The following ABCA13 variants were observed in gnomAD, a reference collection of about 807,000 sequenced individuals.
ABCA13 encodes the protein ATP-binding cassette sub-family A member 13.
ABCA13 carries 476 observed loss-of-function variants against 478.7 expected under a neutral mutation model. The ratio of observed to expected loss-of-function variants is 0.99; its 90% CI spans 0.92 to 1.07. The LOEUF (loss-of-function observed/expected upper bound fraction) is 1.07, where lower values mean the gene tolerates loss of function less well. ABCA13 is among the 50% of genes least tolerant of loss of function. The pLI is 0.00. For missense variants in ABCA13, 6,060 were observed against 5,910.6 expected, an observed-to-expected ratio of 1.03 and a Z score of -0.83; for synonymous variants, 2,252 against 2,158.9, an observed-to-expected ratio of 1.04 and a Z score of -1.20.
Position 48,374,349 on chromosome 7 carries a change from C to T in ABCA13, c.11136C>T (p.Cys3712=). 1.2e-6 allele frequency: 2 copies of T among 1,608,260 alleles called. No individual in the cohort carries two copies. Among genetic ancestry groups the T allele is most frequent in the South Asian group, 1.1e-5 (1 of 89,232 alleles). ...QLSFVNQTFL[C]LLSTTAFGQG... is the part of the protein sequence containing the mutation. ...TTTCTCCATCAATCTGTGGGCAGTG[C>T]CTTCTTTCGACAACCGCCTTTGGAC... Residue 3712 remains cysteine (C), a splice_region_variant and synonymous_variant, in exon 34 of 62, where the codon TGC becomes TGT. Coordinates refer to ENST00000435803, the MANE Select transcript of ABCA13 (RefSeq NM_152701.5).
At position 48,572,984 on chromosome 7, in the gene ABCA13, A is replaced by T. The variant is rs1787822249; in HGVS notation, c.14355-7240A>T. Reference sequence around the variant, plus strand: ...TTTAAGGGATTTTTCTATTCCATCTAAATTATTCCATTTCTATGCAGAAAT... The same window carrying T: ...TTTAAGGGATTTTTCTATTCCATCTTAATTATTCCATTTCTATGCAGAAAT... On this transcript the variant is annotated intron_variant, in intron 55 of 61. Coordinates refer to ENST00000435803, the MANE Select transcript of ABCA13 (RefSeq NM_152701.5). Among the ~76,000 whole-genome samples, 3 of 152,238 alleles carry T rather than the reference A, an allele frequency of 2.0e-5. No individual in the cohort carries two copies. In the South Asian group the frequency reaches 6.2e-4, roughly 32 times the overall value.
chr7:48,391,548 T>C (rs1456370099), intron 37 of ABCA13, among the ~76,000 whole-genome samples: 1 of 152,216 alleles, frequency 6.6e-6, no homozygotes, highest in Non-Finnish European at 1.5e-5. Flanking sequence ...AGCTGTAGGC[T>C]AATGTAAATG....
chr7:48,388,355 A>G (rs146111117), intron 36 of ABCA13, among the ~76,000 whole-genome samples: 420 of 152,334 alleles, frequency 2.8e-3, no homozygotes, highest in African/African-American at 9.7e-3. Flanking sequence ...GTTCTCACCC[A>G]TGCTGGTTTA....
chr7:48,440,831 A>G (rs1823486784), intron 42 of ABCA13, among the ~76,000 whole-genome samples: 2 of 152,110 alleles, frequency 1.3e-5, no homozygotes, highest in South Asian at 4.1e-4. Context: ...ATAATTTGGA[A>G]ATAAAACACG....
intron 41 of ABCA13, among the ~76,000 whole-genome samples, chr7:48,423,575 A>G (rs544090510): frequency 6.6e-6 from 1 of 152,304 alleles, no homozygotes; most frequent in East Asian, 1.9e-4. Flanking sequence ...TAGCACAATC[A>G]GTGTAGAGAT....
intron 23 of ABCA13, 22 bp downstream of exon 23, chr7:48,298,509 G>C: frequency 6.2e-7 from 1 of 1,604,434 alleles, no homozygotes; most frequent in Non-Finnish European, 8.5e-7. Flanking sequence ...TTTCTTGTCT[G>C]TCTGTTTTGC....
At chr7:48,307,437 T>C (rs1330437122) in intron 23 of ABCA13, among the ~76,000 whole-genome samples, 2 of 152,162 alleles carry the variant, frequency 1.3e-5, no homozygotes, top group Non-Finnish European at 2.9e-5. Flanking sequence ...AAATATGGTA[T>C]AAAAGATAAA....
At chr7:48,614,210 G>T (rs1792316395) in intron 58 of ABCA13, among the ~76,000 whole-genome samples, 2 of 150,622 alleles carry the variant, frequency 1.3e-5, no homozygotes, top group African/African-American at 4.9e-5. Flanking sequence ...CTATTAGTAA[G>T]GCTTCCTTGT....
At chr7:48,368,334 T>C (rs1442663747) in intron 32 of ABCA13, among the ~76,000 whole-genome samples, 1 of 152,104 alleles carries the variant, frequency 6.6e-6, no homozygotes, top group East Asian at 1.9e-4. Context: ...CATAGGTTTT[T>C]TGGGGAACAG....
chr7:48,273,244 C>G lies in ABCA13; in HGVS notation c.3578C>G (p.Ser1193Cys). The G allele has an allele frequency of 2.5e-6, 4 of 1,613,682 alleles. No homozygotes were observed. The highest frequency in any genetic ancestry group is 3.4e-6 in the Non-Finnish European group (4 of 1,179,754). Residue 1193 changes from serine to cysteine, a missense_variant, in exon 17 of 62, where the codon TCT becomes TGT. This residue lies in a region of ABCA13 where 4,423 missense variants were observed against 4,309.1 expected (regional missense o/e 1.03). Coordinates refer to ENST00000435803, the MANE Select transcript of ABCA13 (RefSeq NM_152701.5). ...LDELEDDVKV[S>C]KSCQGILPTH... ...GAATTGGAAGATGATGTGAAAGTCTCTAAAAGCTGCCAGGGTATACTTCCC... is the reference window on the plus strand; with the variant it reads ...GAATTGGAAGATGATGTGAAAGTCTGTAAAAGCTGCCAGGGTATACTTCCC...
At chr7:48,441,115 CA>C (rs1444853830) in intron 42 of ABCA13, among the ~76,000 whole-genome samples, 1 of 152,106 alleles carries the variant, frequency 6.6e-6, no homozygotes, top group Non-Finnish European at 1.5e-5. Flanking sequence ...TTATATTCTT[CA>C]AATTCCTCCT....
intron 55 of ABCA13, among the ~76,000 whole-genome samples, chr7:48,550,729 A>C (rs905256911): frequency 8.9e-6 from 1 of 112,804 alleles, no homozygotes; most frequent in Non-Finnish European, 1.8e-5. Flanking sequence ...TATCTTTTTA[A>C]TCTATCCATC....
At chr7:48,410,981 TTC>T (rs1386665961) in intron 40 of ABCA13, among the ~76,000 whole-genome samples, 1 of 34,800 alleles carries the variant, frequency 2.9e-5, no homozygotes. Flanking sequence ...TCTTTTCTCT[TTC>T]TTTCTTTCTT....
rs754844920 is a variant in ABCA13 at position 48,481,075 on chromosome 7, A to G, written c.13015A>G (p.Asn4339Asp). The G allele has an allele frequency of 1.9e-5, 30 of 1,603,216 alleles. No individual in the cohort carries two copies. In the South Asian group the frequency reaches 2.9e-4, roughly 16 times the overall value. Residue 4339 changes from asparagine (N) to aspartate (D), a missense_variant, in exon 46 of 62, where the codon AAC becomes GAC. Asn to Asp is a conservative substitution (Grantham distance 23). Transcript: ENST00000435803. ...AAGTGCTAGTGCTCCCTACCTGACC[A>G]ACCACCTGGGCCACACACTGTTGAA... ...NRSASAPYLT[N>D]HLGHTLLNLS...
intron 27 of ABCA13, among the ~76,000 whole-genome samples, chr7:48,328,610 C>T (rs1354936120): frequency 1.3e-5 from 2 of 152,018 alleles, no homozygotes; most frequent in Non-Finnish European, 2.9e-5. Flanking sequence ...CCTTGGATAC[C>T]TGCAATTTTC....
rs202096528 is a variant in ABCA13, at chr7:48,350,654, G to A, written c.10216G>A (p.Asp3406Asn). 6 of 1,613,128 alleles carry A rather than the reference G, an allele frequency of 3.7e-6. No homozygotes were observed. In the Admixed American group the frequency reaches 5.0e-5, roughly 13 times the overall value. The change falls in exon 30 of 62, where the codon GAT becomes AAT. Residue 3406 changes from aspartate to asparagine, a missense_variant. This residue lies in a region of ABCA13 where 4,423 missense variants were observed against 4,309.1 expected (regional missense o/e 1.03). Coordinates refer to ENST00000435803, the MANE Select transcript of ABCA13 (RefSeq NM_152701.5). ...EKLQTYGGLL[D>N]EMFNHAGAGR... ...TTCACTTTCCTCAGGAGGGCTGCTG[G>A]ATGAGATGTTTAACCATGCAGGCGC... is the stretch of plus-strand genomic sequence containing the variant.
chr7:48,601,984 C>CT (rs1563491654), intron 58 of ABCA13, among the ~76,000 whole-genome samples: 1 of 152,156 alleles, frequency 6.6e-6, no homozygotes, highest in Admixed American at 6.5e-5. Context: ...TGATGATGAG[C>CT]TTTTTTTCAT....
At chr7:48,233,214 T>C (rs914572755) in intron 7 of ABCA13, among the ~76,000 whole-genome samples, 1 of 152,176 alleles carries the variant, frequency 6.6e-6, no homozygotes. Context: ...AAGGATCCTA[T>C]GAGATAATGC....
chr7:48,224,765 G>A (rs918580887), intron 5 of ABCA13, among the ~76,000 whole-genome samples: 2 of 152,144 alleles, frequency 1.3e-5, no homozygotes, highest in Non-Finnish European at 2.9e-5. Context: ...TGTTCAGAGC[G>A]TGTGCTCCCT....
Sources: allele counts gnomAD v4.1 joint callset (sites outside exome capture counted in the v4.1 genomes callset), GRCh38; gene constraint gnomAD v4.1.1; regional missense constraint gnomAD v4.1.1; transcripts MANE v1.5; gene names NCBI Gene and HGNC (gene_info 2026-07-23, HGNC 2026-07-21).